Variants in XKR5 observed in about 807,000 individuals in gnomAD.
XKR5 encodes the protein XK-related protein 5.
Under a neutral mutation model 40.8 loss-of-function variants are expected in XKR5, and 46 were observed. The observed-to-expected ratio is 1.13, with a 90% CI of 0.89 to 1.44. The LOEUF (loss-of-function observed/expected upper bound fraction) is 1.44, where lower values mean the gene tolerates loss of function less well. XKR5 is among the 40% of genes most tolerant of loss of function. XKR5 has a pLI of 0.00. For missense variants in XKR5, 1,169 were observed against 844.7 expected, an observed-to-expected ratio of 1.38 and a Z score of -4.76; for synonymous variants, 466 against 356.1, an observed-to-expected ratio of 1.31 and a Z score of -3.48.
intron 3 of XKR5, among the ~76,000 whole-genome samples, chr8:6,824,317 G>C (rs941355901): frequency 6.7e-6 from 1 of 150,012 alleles, no homozygotes; most frequent in Non-Finnish European, 1.5e-5. Context: ...TGGGGAGGGA[G>C]AGAAGGGGGT....
chr8:6,821,629 C>A (rs909790297), intron 5 of XKR5, among the ~76,000 whole-genome samples: 1 of 152,136 alleles, frequency 6.6e-6, no homozygotes, highest in Non-Finnish European at 1.5e-5. Context: ...ACCAAATATG[C>A]CTCAGTTGTT....
In XKR5 at chr8:6,812,348, G is replaced by A; in HGVS notation, c.920-9C>T. The A allele has an allele frequency of 1.3e-6, 2 of 1,529,446 alleles. No individual in the cohort carries two copies. The highest frequency in any genetic ancestry group is 2.1e-5 in the Admixed American group (1 of 47,276). 94.7% of individuals were successfully genotyped at this position (1,529,446 alleles called of 1,614,324 possible). A position where few individuals can be genotyped will look rare whatever the true frequency, so the allele number is the denominator to read the frequency against. On this transcript the variant is annotated splice_polypyrimidine_tract_variant and intron_variant, in intron 6 of 6. Coordinates refer to ENST00000618742, the MANE Select transcript of XKR5 (RefSeq NM_207411.5). ...TACCAGTGAGACACTGCCTGAAAAA[G>A]AACAAAAAGACCACAAGGTTATGTT...
chr8:6,825,049 G>C, intron 3 of XKR5, 116 bp downstream of exon 3: 1 of 1,217,784 alleles, frequency 8.2e-7, no homozygotes, highest in Non-Finnish European at 1.2e-6. Context: ...AGCTCAAGGT[G>C]CCCTAATGCT....
At chr8:6,832,443 C>T (rs374059407) in intron 2 of XKR5, among the ~76,000 whole-genome samples, 1 of 152,176 alleles carries the variant, frequency 6.6e-6, no homozygotes, top group Non-Finnish European at 1.5e-5. Context: ...CAAATCAAAA[C>T]AGCAAGACAG....
At chr8:6,821,729 T>A in intron 5 of XKR5, 140 bp downstream of exon 5, 1 of 689,778 alleles carries the variant, frequency 1.4e-6, no homozygotes, top group East Asian at 3.2e-5. Flanking sequence ...TCTTTAAGAA[T>A]TTTTCTTAAA....
In XKR5 at chr8:6,809,149, G is replaced by C. The variant is rs976402230; in HGVS notation, c.*2049C>G. On this transcript the variant is annotated 3_prime_UTR_variant, in exon 7 of 7. Coordinates refer to ENST00000618742, the MANE Select transcript of XKR5 (RefSeq NM_207411.5). ...CACCAAGAGGAGATGTTTGAGTGGA[G>C]TCTTGGAGGACAAATGGGGAGGGCT... 6.6e-6 allele frequency: 1 copy of C among 152,428 alleles called. No homozygotes were observed. Among genetic ancestry groups the C allele is most frequent in the African/African-American group, 2.4e-5 (1 of 41,434 alleles). 9.4% of individuals were successfully genotyped at this position (152,428 alleles called of 1,614,324 possible).
intron 5 of XKR5, among the ~76,000 whole-genome samples, chr8:6,821,311 G>A (rs1445015632): frequency 6.6e-6 from 1 of 152,206 alleles, no homozygotes; most frequent in African/African-American, 2.4e-5. Flanking sequence ...CTACTCCTAT[G>A]AGTCCCAGAC....
At chr8:6,816,723 A>T (rs962699207) in intron 5 of XKR5, among the ~76,000 whole-genome samples, 13 of 147,510 alleles carry the variant, frequency 8.8e-5, no homozygotes, top group African/African-American at 3.2e-4. Context: ...TTAAAATATA[A>T]TTAATATATA....
chr8:6,813,570 C>T (rs1030002721), intron 6 of XKR5, among the ~76,000 whole-genome samples: 6 of 152,200 alleles, frequency 3.9e-5, no homozygotes, highest in Non-Finnish European at 7.3e-5. Flanking sequence ...GCTCCTTGGA[C>T]TACAATTTGG....
At position 6,811,849 on chromosome 8, in the gene XKR5, C is replaced by T. The variant is rs9692636; in HGVS notation, c.1410G>A (p.Ala470=). Residue 470 remains alanine (A), a synonymous_variant, in exon 7 of 7, where the codon GCG becomes GCA. Transcript: ENST00000618742. The part of the protein sequence containing the change: ...RDPSTLENSS[A]FEGVPKAEAD... Reference sequence around the variant, plus strand: ...CCTCTGCTTTAGGGACACCTTCAAACGCAGAGCTGTTCTCTAAGGTTGAGG... The same window carrying T: ...CCTCTGCTTTAGGGACACCTTCAAATGCAGAGCTGTTCTCTAAGGTTGAGG... 960 of 1,537,608 alleles carry T rather than the reference C, an allele frequency of 6.2e-4. 3 individuals carry two copies. The African/African-American group carries it at 6.3e-3, about 10-fold the overall frequency.
intron 1 of XKR5, among the ~76,000 whole-genome samples, chr8:6,834,369 G>A (rs1228066304): frequency 6.6e-6 from 1 of 152,230 alleles, no homozygotes; most frequent in East Asian, 1.9e-4. Context: ...CCCAGGCTGG[G>A]TCCGGCTGTC....
At chr8:6,834,934 T>TGTCCCCCTCCCCCC (rs1180236573) in intron 1 of XKR5, among the ~76,000 whole-genome samples, 1 of 152,116 alleles carries the variant, frequency 6.6e-6, no homozygotes, top group African/African-American at 2.4e-5. Context: ...TGCGGAGCCC[T>TGTCCCCCTCCCCCC]GTCCCCCTCC....
chr8:6,828,616 T>C (rs1042341973), intron 2 of XKR5, among the ~76,000 whole-genome samples: 2 of 152,174 alleles, frequency 1.3e-5, no homozygotes, highest in African/African-American at 4.8e-5. Flanking sequence ...TCCTATGAGA[T>C]GGTGTCCGAC....
At chr8:6,834,732 G>A in intron 1 of XKR5, among the ~76,000 whole-genome samples, 1 of 152,340 alleles carries the variant, frequency 6.6e-6, no homozygotes, top group East Asian at 1.9e-4. Context: ...GGCGGAAGTG[G>A]GCGGAGACGC....
At position 6,821,991 on chromosome 8, in the gene XKR5, C is replaced by A; in HGVS notation, c.685G>T (p.Asp229Tyr). ...MTFWLVAQQS[D>Y]IIDSTCHWRL... is the part of the protein sequence containing the mutation. ...CAGTGGCAGGTGCTGTCGATGATGTCACTCTGCTGGGCGACAAGCCAGAAT... is the reference window on the plus strand; with the variant it reads ...CAGTGGCAGGTGCTGTCGATGATGTAACTCTGCTGGGCGACAAGCCAGAAT... Residue 229 changes from aspartate to tyrosine, a missense_variant, in exon 5 of 7, where the codon GAC (aspartate) becomes TAC (tyrosine). Coordinates refer to ENST00000618742, the MANE Select transcript of XKR5 (RefSeq NM_207411.5). 1 of 1,606,548 alleles carries A rather than the reference C, an allele frequency of 6.2e-7. No homozygotes were observed.
At position 6,811,042 on chromosome 8, in the gene XKR5, C is replaced by T. The variant is rs1365843871; in HGVS notation, c.*156G>A. The T allele has an allele frequency of 1.5e-6, 1 of 657,318 alleles. No homozygotes were observed. Among genetic ancestry groups the T allele is most frequent in the Non-Finnish European group, 2.2e-6 (1 of 450,916 alleles). The allele number at this position is 657,318 out of a possible 1,614,324, so 40.7% of individuals were successfully genotyped here. A position where few individuals can be genotyped will look rare whatever the true frequency, so the allele number is the denominator to read the frequency against. ...GCATTGGACCTGCAAAATCATCCAG[C>T]CCTGTTTCTTCATTTTTCAGGGATG... On this transcript the variant is annotated 3_prime_UTR_variant, in exon 7 of 7. Coordinates refer to ENST00000618742, the MANE Select transcript of XKR5 (RefSeq NM_207411.5).
At chr8:6,833,352 T>G (rs1295987412) in intron 1 of XKR5, among the ~76,000 whole-genome samples, 1 of 152,246 alleles carries the variant, frequency 6.6e-6, no homozygotes, top group Non-Finnish European at 1.5e-5. Flanking sequence ...GACATTCCCC[T>G]GTGGCCCGGC....
rs1352284467 is a variant in XKR5 at position 6,809,211 on chromosome 8, G to C, written c.*1987C>G. On this transcript the variant is annotated 3_prime_UTR_variant, in exon 7 of 7. Transcript: ENST00000618742. ...AGGGAAGTGCTCATGCTCTCACCTGGCTGGGCGAGAGACTGCATGGAGGAA... is the reference window on the plus strand; with the variant it reads ...AGGGAAGTGCTCATGCTCTCACCTGCCTGGGCGAGAGACTGCATGGAGGAA... 1 of 152,344 alleles carries C rather than the reference G, an allele frequency of 6.6e-6. No homozygotes were observed. Among genetic ancestry groups the C allele is most frequent in the Non-Finnish European group, 1.5e-5 (1 of 68,116 alleles). 9.4% of individuals were successfully genotyped at this position (152,344 alleles called of 1,614,324 possible).
chr8:6,834,886 C>G lies in XKR5; in HGVS notation c.58+550G>C, dbSNP rs1287362596. Among the ~76,000 whole-genome samples the G allele has an allele frequency of 5.3e-5, 8 of 152,204 alleles. No individual in the cohort carries two copies. In the South Asian group the frequency reaches 1.7e-3, roughly 31 times the overall value. ...GGGCCGCGTCCCGCCCCGTCCTAAACCCCGAAGCGGAGTCGCCGTCCTACA... is the reference window on the plus strand; with the variant it reads ...GGGCCGCGTCCCGCCCCGTCCTAAAGCCCGAAGCGGAGTCGCCGTCCTACA... On this transcript the variant is annotated intron_variant, in intron 1 of 6. Transcript: ENST00000618742.
Sources: gnomAD v4.1 joint callset for allele counts (sites outside exome capture counted in the v4.1 genomes callset) on GRCh38, gnomAD v4.1.1 for gene constraint, MANE v1.5 for transcripts, NCBI Gene and HGNC (gene_info 2026-07-23, HGNC 2026-07-21) for gene names.